Variants in CCNF observed in about 807,000 individuals in gnomAD.
CCNF encodes cyclin-F.
In CCNF, 30 loss-of-function variants were observed where a neutral mutation model predicts 85.4. That is an observed-to-expected ratio of 0.35 (90% confidence interval 0.26 to 0.48). The LOEUF is 0.48. Among genes scored for constraint, CCNF ranks in the 20% least tolerant of loss-of-function variants. The probability of loss-of-function intolerance (pLI) is 0.99; values close to 1 mark genes in which losing one functional copy is unlikely to be tolerated. For synonymous variants in CCNF, 439 were observed against 425.1 expected, an observed-to-expected ratio of 1.03 and a Z score of -0.40; for missense variants, 919 against 1,010.4, an observed-to-expected ratio of 0.91 and a Z score of 1.23.
chr16:2,453,888 C>T lies in CCNF; in HGVS notation c.1715+351C>T, dbSNP rs905033215. Among the ~76,000 whole-genome samples the T allele has an allele frequency of 3.9e-5, 6 of 152,196 alleles. No individual in the cohort carries two copies. Among genetic ancestry groups the T allele is most frequent in the African/African-American group, 1.2e-4 (5 of 41,440 alleles). ...TCTGCTCCATGATGCTGCTGTCACT[C>T]CCGGCACTCGAGCTGTGACCTGAGT... On this transcript the variant is annotated intron_variant, in intron 15 of 16. Transcript: ENST00000397066. The surrounding 1 kb of genome is among the most constrained non-coding windows in gnomAD (Gnocchi z 5.6).
rs140865437 is a variant in CCNF at position 2,449,513 on chromosome 16, T to C, written c.1399+51T>C. 1.1e-4 allele frequency: 171 copies of C among 1,544,032 alleles called. 1 individual carries two copies. The East Asian group carries it at 3.7e-3, about 34-fold the overall frequency. On this transcript the variant is annotated intron_variant, in intron 12 of 16. Transcript: ENST00000397066. ...GCCTGTGTCGGGGAAGGTGCTGACA[T>C]AGGAGGAGGCTGTGGGGAGGAAAAG...
In CCNF at chr16:2,448,870, G is replaced by A. The variant is rs139373868; in HGVS notation, c.1110G>A (p.Glu370=). 1 of 1,614,008 alleles carries A rather than the reference G, an allele frequency of 6.2e-7. No individual in the cohort carries two copies. The highest frequency in any genetic ancestry group is 8.5e-7 in the Non-Finnish European group (1 of 1,179,870). Residue 370 remains glutamate (E), a synonymous_variant, in exon 11 of 17, where the codon GAG becomes GAA. Coordinates refer to ENST00000397066, the MANE Select transcript of CCNF (RefSeq NM_001761.3). ...MVICTRFISK[E]ILTIREAVWL... Reference sequence around the variant, plus strand: ...GGCGTTGCAGGTTTATCAGTAAAGAGATCCTGACCATCCGGGAGGCCGTAT... The same window carrying A: ...GGCGTTGCAGGTTTATCAGTAAAGAAATCCTGACCATCCGGGAGGCCGTAT...
At position 2,438,115 on chromosome 16, in the gene CCNF, C is replaced by T; in HGVS notation, c.586C>T (p.Leu196=). ...GCACTGCTTGGGCAGAGTGCTGAGTCTGTTCGAGGTGAGTCAAGTTGTTCT... is the reference window on the plus strand; with the variant it reads ...GCACTGCTTGGGCAGAGTGCTGAGTTTGTTCGAGGTGAGTCAAGTTGTTCT... ...ILHCLGRVLS[L]FEDEEKQQQA... Residue 196 remains leucine (L), a synonymous_variant, in exon 6 of 17, where the codon CTG becomes TTG. Coordinates refer to ENST00000397066, the MANE Select transcript of CCNF (RefSeq NM_001761.3). The T allele has an allele frequency of 1.2e-6, 2 of 1,608,368 alleles. No individual in the cohort carries two copies. The highest frequency in any genetic ancestry group is 1.7e-6 in the Non-Finnish European group (2 of 1,174,774).
In CCNF at chr16:2,436,376, C is replaced by T. The variant is rs1052731886; in HGVS notation, c.346+503C>T. The T allele has an allele frequency of 3.9e-5, 6 of 152,924 alleles. No homozygotes were observed. In the South Asian group the frequency reaches 6.1e-4, roughly 16 times the overall value. 9.5% of individuals were successfully genotyped at this position (152,924 alleles called of 1,614,324 possible). ...CCAGGTGCTCCTTGAAAGAAACTTGCGCAGCCTTTTCTTCTACCAGTTAAC... is the reference window on the plus strand; with the variant it reads ...CCAGGTGCTCCTTGAAAGAAACTTGTGCAGCCTTTTCTTCTACCAGTTAAC... On this transcript the variant is annotated intron_variant, in intron 4 of 16. Coordinates refer to ENST00000397066, the MANE Select transcript of CCNF (RefSeq NM_001761.3).
rs1596922802 is a variant in CCNF at position 2,443,665 on chromosome 16, C to A, written c.794C>A (p.Ala265Asp). The change falls in exon 9 of 17, where the codon GCC (alanine) becomes GAC (aspartate). Residue 265 changes from alanine (A) to aspartate (D), a missense_variant. By Grantham distance (126) the Ala-to-Asp change is moderately radical. This residue lies in a region of CCNF where 410 missense variants were observed against 478.6 expected (regional missense o/e 0.86). Transcript: ENST00000397066. ...CTTCCTCAGCTGTCTTTAGCCAAAG[C>A]CTGTGCAAATGCAAACCAGCTTGGA... is the stretch of plus-strand genomic sequence containing the variant. ...CWEAQLSLAK[A>D]CANANQLGLE... is the part of the protein sequence containing the mutation. The A allele has an allele frequency of 6.2e-7, 1 of 1,614,064 alleles. No individual in the cohort carries two copies. The highest frequency in any genetic ancestry group is 1.1e-5 in the South Asian group (1 of 91,074).
intron 11 of CCNF, 67 bp downstream of exon 11, chr16:2,449,045 T>A: frequency 1.7e-6 from 2 of 1,155,280 alleles, no homozygotes; most frequent in Non-Finnish European, 2.6e-6. Context: ...GGGGTGGGCA[T>A]TCAGCTTTCC....
chr16:2,445,124 C>T (rs2065354355), intron 9 of CCNF, among the ~76,000 whole-genome samples: 1 of 152,190 alleles, frequency 6.6e-6, no homozygotes. Flanking sequence ...TCTCCCGCTC[C>T]CTGCACGCCC....
chr16:2,442,924 T>C (rs2065338954), intron 8 of CCNF, among the ~76,000 whole-genome samples: 1 of 49,778 alleles, frequency 2.0e-5, no homozygotes, highest in African/African-American at 1.1e-4. Flanking sequence ...TATATATTAA[T>C]ATATATGATT....
intron 10 of CCNF, 90 bp from the exon 11 acceptor site, chr16:2,448,765 C>A: frequency 2.5e-6 from 3 of 1,206,100 alleles, no homozygotes; most frequent in East Asian, 2.4e-5. Context: ...TCCCTCCCTA[C>A]CTTGAGGCCT....
intron 11 of CCNF, 107 bp from the exon 12 acceptor site, chr16:2,449,175 A>C: frequency 6.8e-7 from 1 of 1,468,624 alleles, no homozygotes; most frequent in Non-Finnish European, 9.5e-7. Flanking sequence ...CGCGTGCAGC[A>C]TCGGCGTGAA....
intron 3 of CCNF, among the ~76,000 whole-genome samples, chr16:2,435,596 G>GAT (rs57972250): frequency 2.2e-3 from 331 of 147,396 alleles, no homozygotes; most frequent in Non-Finnish European, 3.5e-3. Flanking sequence ...GAGAGAGAGA[G>GAT]ATATATATAT....
intron 2 of CCNF, among the ~76,000 whole-genome samples, chr16:2,431,763 C>T (rs578244042): frequency 7.9e-5 from 12 of 151,022 alleles, no homozygotes; most frequent in African/African-American, 2.4e-4. Flanking sequence ...ATTCTGATTA[C>T]AGAAATTCCT....
intron 8 of CCNF, among the ~76,000 whole-genome samples, chr16:2,440,762 T>C (rs2065316889): frequency 6.6e-6 from 1 of 151,960 alleles, no homozygotes; most frequent in African/African-American, 2.4e-5. Flanking sequence ...TCATAGCACA[T>C]TGTGGTGTTC....
rs879334292 is a variant in CCNF, at chr16:2,444,133, A to T, written c.929+333A>T. Among the ~76,000 whole-genome samples, 12 of 151,882 alleles carry T rather than the reference A, an allele frequency of 7.9e-5. No homozygotes were observed. In the South Asian group the frequency reaches 8.3e-4, roughly 11 times the overall value. On this transcript the variant is annotated intron_variant, in intron 9 of 16. Coordinates refer to ENST00000397066, the MANE Select transcript of CCNF (RefSeq NM_001761.3). ...ATGGGGTTTCACCATGTTAGCCAGG[A>T]TGGTCTCAATCTCCTGACCTCGTGA...
intron 8 of CCNF, among the ~76,000 whole-genome samples, chr16:2,441,979 A>ATG (rs1555497473): frequency 3.1e-5 from 3 of 97,794 alleles, no homozygotes; most frequent in African/African-American, 7.8e-5. Flanking sequence ...ATATATATAT[A>ATG]TATGTTTTTG....
At chr16:2,455,276 C>A in intron 15 of CCNF, 119 bp from the exon 16 acceptor site, 13 of 1,302,252 alleles carry the variant, frequency 1.0e-5, no homozygotes, top group Non-Finnish European at 1.2e-5. Flanking sequence ...CGTAGCAGAA[C>A]CTTTGGGAGC....
chr16:2,437,120 T>A lies in CCNF; in HGVS notation c.347-9T>A, dbSNP rs1385929537. ...ACATCCCTGGGCTCTGTCCTGTCTG[T>A]CCCCGCAGTGTCTGTGTCTGATGAG... On this transcript the variant is annotated splice_polypyrimidine_tract_variant and intron_variant, in intron 4 of 16. Coordinates refer to ENST00000397066, the MANE Select transcript of CCNF (RefSeq NM_001761.3). 1 of 1,575,970 alleles carries A rather than the reference T, an allele frequency of 6.3e-7. No individual in the cohort carries two copies. Among genetic ancestry groups the A allele is most frequent in the Non-Finnish European group, 8.7e-7 (1 of 1,153,716 alleles).
At chr16:2,442,256 C>T (rs1349833851) in intron 8 of CCNF, among the ~76,000 whole-genome samples, 5 of 141,686 alleles carry the variant, frequency 3.5e-5, no homozygotes, top group South Asian at 4.3e-4. Context: ...ATCTGCCCGC[C>T]TCGGCCTCCT....
chr16:2,446,260 G>A (rs1422552039), intron 10 of CCNF, among the ~76,000 whole-genome samples: 2 of 148,786 alleles, frequency 1.3e-5, no homozygotes, highest in African/African-American at 2.6e-5. Flanking sequence ...GGCTCCTGAG[G>A]GCAGCAGGAT....
Sources: allele counts gnomAD v4.1 joint callset (sites outside exome capture counted in the v4.1 genomes callset), GRCh38; gene constraint gnomAD v4.1.1; regional missense constraint gnomAD v4.1.1; non-coding constraint Gnocchi (gnomAD v3.1); transcripts MANE v1.5; gene names NCBI Gene and HGNC (gene_info 2026-07-23, HGNC 2026-07-21).